The following TSHZ3 variants were observed in gnomAD, a reference collection of about 807,000 sequenced individuals.
TSHZ3 encodes the protein teashirt homolog 3.
TSHZ3 carries 10 observed loss-of-function variants against 64.5 expected under a neutral mutation model. The observed-to-expected ratio is 0.16, with a 90% CI of 0.10 to 0.26. TSHZ3 has a LOEUF of 0.26. Ranked by LOEUF, TSHZ3 falls within the 10% of genes least tolerant of loss-of-function variation. TSHZ3 has a pLI of 1.00. For synonymous variants in TSHZ3, 608 were observed against 593.1 expected, an observed-to-expected ratio of 1.03 and a Z score of -0.36; for missense variants, 1,242 against 1,421.7, an observed-to-expected ratio of 0.87 and a Z score of 2.03.
chr19:31,323,235 C>G (rs757468966), intron 1 of TSHZ3, among the ~76,000 whole-genome samples: 2 of 152,230 alleles, frequency 1.3e-5, no homozygotes, highest in Non-Finnish European at 2.9e-5. Flanking sequence ...AGCTGCCCAA[C>G]TCACCCAGGA....
At chr19:31,304,254 T>G (rs1976803397) in intron 1 of TSHZ3, among the ~76,000 whole-genome samples, 1 of 152,218 alleles carries the variant, frequency 6.6e-6, no homozygotes, top group Admixed American at 6.5e-5. Context: ...ATTACAGGCT[T>G]GAGTCACGGC....
chr19:31,277,051 G>C lies in TSHZ3; in HGVS notation c.2742C>G (p.Leu914=). 1 of 1,609,576 alleles carries C rather than the reference G, an allele frequency of 6.2e-7. No homozygotes were observed. The highest frequency in any genetic ancestry group is 8.5e-7 in the Non-Finnish European group (1 of 1,176,998). ...LILQAQFAAS[L]RQTSEGKYIM... is the part of the protein sequence containing the mutation. ...TGTACTTCCCTTCTGAGGTCTGCCGGAGGCTGGCGGCAAACTGGGCCTGGA... is the reference window on the plus strand; with the variant it reads ...TGTACTTCCCTTCTGAGGTCTGCCGCAGGCTGGCGGCAAACTGGGCCTGGA... The change falls in exon 2 of 2, where the codon CTC becomes CTG. Residue 914 remains leucine, a synonymous_variant. Coordinates refer to ENST00000240587, the MANE Select transcript of TSHZ3 (RefSeq NM_020856.4). This position sits in a 1 kb window ranked among gnomAD's most constrained non-coding sequence, Gnocchi z 4.5.
At chr19:31,222,090 C>A (rs1975400953) in intron 4 of TSHZ3, among the ~76,000 whole-genome samples, 2 of 152,188 alleles carry the variant, frequency 1.3e-5, no homozygotes, top group Admixed American at 6.5e-5. Context: ...AGGGTCTTTA[C>A]CCTTCCCATC....
chr19:31,264,629 G>A lies in TSHZ3; in HGVS notation n.64-21754C>T, dbSNP rs958118043. ...GCTGTCATGCAGGAATGTGGCATCCGGAGATGCCAGAAATCTCACTGTTGT... is the reference window on the plus strand; with the variant it reads ...GCTGTCATGCAGGAATGTGGCATCCAGAGATGCCAGAAATCTCACTGTTGT... On this transcript the variant is annotated intron_variant and non_coding_transcript_variant, in intron 1 of 6. Coordinates refer to the TSHZ3 transcript ENST00000651361. Among the ~76,000 whole-genome samples the A allele has an allele frequency of 1.1e-4, 17 of 152,174 alleles. No homozygotes were observed. In the South Asian group the frequency reaches 2.5e-3, roughly 22 times the overall value.
At chr19:31,168,924 A>C (rs1024027532) in intron 5 of TSHZ3, among the ~76,000 whole-genome samples, 1 of 152,184 alleles carries the variant, frequency 6.6e-6, no homozygotes, top group Non-Finnish European at 1.5e-5. Flanking sequence ...TTGAGTCTCC[A>C]TGCAAGTCTC....
intron 5 of TSHZ3, among the ~76,000 whole-genome samples, chr19:31,177,620 T>A (rs532854730): frequency 2.0e-5 from 3 of 152,396 alleles, no homozygotes; most frequent in Admixed American, 1.3e-4. Flanking sequence ...GAGCTCCTGC[T>A]TTCAGCATCC....
chr19:31,235,609 T>A (rs1478889358), intron 3 of TSHZ3, among the ~76,000 whole-genome samples: 1 of 146,190 alleles, frequency 6.8e-6, no homozygotes, highest in Non-Finnish European at 1.5e-5. Flanking sequence ...TCTTTCTTTC[T>A]TTCTTTCCTC....
intron 1 of TSHZ3, among the ~76,000 whole-genome samples, chr19:31,311,990 C>T (rs1916471498): frequency 6.6e-6 from 1 of 152,172 alleles, no homozygotes; most frequent in Non-Finnish European, 1.5e-5. Flanking sequence ...TCCCAAAGTG[C>T]TCGGATTACA....
At chr19:31,273,880 G>A (rs769802661), downstream of TSHZ3, among the ~76,000 whole-genome samples, 54 of 152,192 alleles carry the variant, frequency 3.5e-4, no homozygotes, top group Non-Finnish European at 5.3e-4. Flanking sequence ...CTGCCTGGCC[G>A]TAAAACCCAC....
intron 1 of TSHZ3, among the ~76,000 whole-genome samples, chr19:31,304,273 C>T (rs146796753): frequency 2.6e-5 from 4 of 152,170 alleles, no homozygotes; most frequent in African/African-American, 9.6e-5. Context: ...GCGCCCAGTC[C>T]GAAGTGCTCA....
chr19:31,328,211 G>T (rs966923922), intron 1 of TSHZ3, among the ~76,000 whole-genome samples: 2 of 152,206 alleles, frequency 1.3e-5, no homozygotes, highest in African/African-American at 2.4e-5. Context: ...CAAAACCAAG[G>T]CACCTTTGCT....
At chr19:31,173,018 T>C (rs1005270289) in intron 5 of TSHZ3, among the ~76,000 whole-genome samples, 2 of 152,200 alleles carry the variant, frequency 1.3e-5, no homozygotes, top group African/African-American at 4.8e-5. Flanking sequence ...ATAAGGGCTC[T>C]AGCTCATGCT....
At chr19:31,182,670 T>C (rs1295174966) in intron 5 of TSHZ3, among the ~76,000 whole-genome samples, 1 of 152,200 alleles carries the variant, frequency 6.6e-6, no homozygotes, top group African/African-American at 2.4e-5. Context: ...CCCTTTAGAA[T>C]GGCTTTCCTT....
chr19:31,350,472 G>C (rs1419392818), upstream of TSHZ3, among the ~76,000 whole-genome samples: 1 of 151,524 alleles, frequency 6.6e-6, no homozygotes, highest in East Asian at 2.0e-4. Context: ...CCGATCCTAG[G>C]GCGGGACGGG....
chr19:31,210,215 G>A (rs1266431631), intron 4 of TSHZ3, among the ~76,000 whole-genome samples: 1 of 152,116 alleles, frequency 6.6e-6, no homozygotes, highest in Non-Finnish European at 1.5e-5. Context: ...GGCCTATAGA[G>A]GCACAGGCCT....
chr19:31,171,611 GA>G (rs34633479), intron 5 of TSHZ3, among the ~76,000 whole-genome samples: 6,636 of 138,288 alleles, frequency 0.048, 447 homozygotes, highest in African/African-American at 0.16. Flanking sequence ...ATTCAAAAAA[GA>G]AAAAAAAAAA....
intron 1 of TSHZ3, among the ~76,000 whole-genome samples, chr19:31,319,805 A>G (rs1916711521): frequency 6.6e-6 from 1 of 152,094 alleles, no homozygotes; most frequent in African/African-American, 2.4e-5. Context: ...GCTGCTTTGA[A>G]AAAAAAAGGC....
intron 5 of TSHZ3, among the ~76,000 whole-genome samples, chr19:31,176,599 G>A (rs1974609819): frequency 6.6e-6 from 1 of 151,962 alleles, no homozygotes; most frequent in Admixed American, 6.6e-5. Context: ...TTTGAGACTG[G>A]GCAACATAGC....
At chr19:31,150,039 A>G (rs1447947524) in exon 7 of TSHZ3, among the ~76,000 whole-genome samples, 1 of 152,224 alleles carries the variant, frequency 6.6e-6, no homozygotes, top group Non-Finnish European at 1.5e-5. Context: ...CACAGATGAA[A>G]TCATGTGGAG....
Sources: allele counts gnomAD v4.1 joint callset (sites outside exome capture counted in the v4.1 genomes callset), GRCh38; gene constraint gnomAD v4.1.1; non-coding constraint Gnocchi (gnomAD v3.1); transcripts MANE v1.5; gene names NCBI Gene and HGNC (gene_info 2026-07-23, HGNC 2026-07-21).